ZNF331: variants seen among roughly 807,000 people sequenced by gnomAD.
ZNF331 encodes C2H2-like zinc finger protein rearranged in thyroid adenomas.
In ZNF331, 2 loss-of-function variants were observed where a neutral mutation model predicts 7.0. The observed-to-expected ratio is 0.29, with a 90% confidence interval of 0.12 to 0.90. ZNF331 has a LOEUF of 0.90. Among genes scored for constraint, ZNF331 ranks in the 40% least tolerant of loss-of-function variants. ZNF331 has a pLI of 0.58. For missense variants in ZNF331, 432 were observed against 587.7 expected (o/e 0.74, Z 2.74); for synonymous variants, 196 against 205.4 (o/e 0.95, Z 0.39).
chr19:53,513,605 T>C, the ZNF331 span, among the ~76,000 whole-genome samples: 2 of 152,304 alleles, frequency 1.3e-5, no homozygotes, highest in Middle Eastern at 3.4e-3. Context: ...TGATTTTGAT[T>C]GGCATTTTCC....
At chr19:53,574,779 C>G (rs2090625091) in intron 5 of ZNF331, among the ~76,000 whole-genome samples, 1 of 152,132 alleles carries the variant, frequency 6.6e-6, no homozygotes, top group South Asian at 2.1e-4. Context: ...ATGGTGCGCG[C>G]CTATCACTGC....
At chr19:53,544,218 C>G (rs894437036) in intron 2 of ZNF331, among the ~76,000 whole-genome samples, 2 of 143,228 alleles carry the variant, frequency 1.4e-5, no homozygotes, top group African/African-American at 5.2e-5. Context: ...AGCAAGACTC[C>G]GTCTCAAAAA....
rs2089817070 is a variant in ZNF331, at chr19:53,560,479, A to AT, written c.-74+4573dup. Among the ~76,000 whole-genome samples, 1 of 152,162 alleles carries AT rather than the reference A, an allele frequency of 6.6e-6. No homozygotes were observed. The highest frequency in any genetic ancestry group is 6.5e-5 in the Admixed American group (1 of 15,276). Reference sequence around the variant, plus strand: ...TTCCATAACAGGAAGGTTATGCCTGATTCAGTGACACTACTTTTTCAATAT... The same window carrying AT: ...TTCCATAACAGGAAGGTTATGCCTGATTTCAGTGACACTACTTTTTCAATAT... On this transcript the variant is annotated intron_variant, in intron 3 of 5. Transcript: ENST00000449416. This position sits in a 1 kb window ranked among gnomAD's most constrained non-coding sequence, Gnocchi z 4.3.
the ZNF331 span, among the ~76,000 whole-genome samples, chr19:53,511,143 T>C: frequency 3.3e-5 from 5 of 152,120 alleles, no homozygotes; most frequent in African/African-American, 1.2e-4. Flanking sequence ...AGAGAAAACA[T>C]TATCTAACCC....
chr19:53,515,412 T>G (rs935879098), upstream of ZNF331, among the ~76,000 whole-genome samples: 1 of 145,350 alleles, frequency 6.9e-6, no homozygotes, highest in Non-Finnish European at 1.5e-5. Context: ...CAAACTTCAG[T>G]AAGACAGCAG....
At chr19:53,514,487 C>T in the ZNF331 span, among the ~76,000 whole-genome samples, 1 of 152,186 alleles carries the variant, frequency 6.6e-6, no homozygotes, top group East Asian at 1.9e-4. Context: ...AGGCGTGAGC[C>T]ACCGCGCCTA....
Position 53,529,217 on chromosome 19 carries a change from C to T in ZNF331, c.-205+6533C>T, listed in dbSNP as rs372805530. On this transcript the variant is annotated intron_variant, in intron 2 of 6. Transcript: ENST00000253144. The stretch of plus-strand genomic sequence containing the variant: ...GAGATCGAGACCATCCTGGCTAACA[C>T]GGTGAAACCCCGTCTCTACTAAAAA... 1.1e-4 allele frequency among the ~76,000 whole-genome samples: 16 copies of T among 151,930 alleles called. No homozygotes were observed. In the East Asian group the frequency reaches 1.8e-3, roughly 17 times the overall value.
intron 2 of ZNF331, among the ~76,000 whole-genome samples, chr19:53,541,185 G>A (rs996123754): frequency 4.0e-5 from 6 of 149,194 alleles, no homozygotes; most frequent in African/African-American, 5.0e-5. Context: ...TCAGCTCGCC[G>A]TAACCTCTGC....
chr19:53,521,994 G>C (rs1203184345), exon 1 of ZNF331: 1 of 152,220 alleles, frequency 6.6e-6, no homozygotes, highest in Admixed American at 6.5e-5. Flanking sequence ...CGAGATGGCA[G>C]TTTTGGAGCC....
rs2089774903 is a variant in ZNF331, at chr19:53,560,088, TAC to T, written c.-74+4186_-74+4187del. Among the ~76,000 whole-genome samples the T allele has an allele frequency of 6.7e-6, 1 of 149,366 alleles. No homozygotes were observed. Among genetic ancestry groups the T allele is most frequent in the African/African-American group, 2.5e-5 (1 of 40,448 alleles). On this transcript the variant is annotated intron_variant, in intron 3 of 5. Coordinates refer to ENST00000449416, the MANE Select transcript of ZNF331 (RefSeq NM_001079906.2). This position sits in a 1 kb window ranked among gnomAD's most constrained non-coding sequence, Gnocchi z 4.3. ...TATACATACCATACACACACATATA[TAC>T]ACACATATACCCACACCATACACAC...
intron 2 of ZNF331, among the ~76,000 whole-genome samples, chr19:53,524,106 T>C (rs60076475): frequency 0.049 from 7,465 of 152,326 alleles, 216 homozygotes; most frequent in East Asian, 0.14. Flanking sequence ...TCCTTTTTTA[T>C]GGCTGCATAG....
At chr19:53,540,414 G>A (rs2088066440) in intron 2 of ZNF331, among the ~76,000 whole-genome samples, 1 of 152,062 alleles carries the variant, frequency 6.6e-6, no homozygotes. Flanking sequence ...GTGTGTGCTT[G>A]GAGGCTCTAG....
intron 5 of ZNF331, among the ~76,000 whole-genome samples, chr19:53,574,256 G>A (rs1600503762): frequency 6.6e-6 from 1 of 152,192 alleles, no homozygotes; most frequent in Middle Eastern, 3.4e-3. Context: ...ATAGAATTAA[G>A]GGAAAGAGCC....
At chr19:53,522,287 CTG>C (rs1185119910) in intron 1 of ZNF331, among the ~76,000 whole-genome samples, 1 of 146,838 alleles carries the variant, frequency 6.8e-6, no homozygotes, top group African/African-American at 2.5e-5. Context: ...GAGTCTTGCT[CTG>C]TCGCCCAGGG....
intron 2 of ZNF331, chr19:53,554,709 A>G (rs570410388): frequency 7.9e-5 from 12 of 152,372 alleles, no homozygotes; most frequent in South Asian, 2.1e-4. Flanking sequence ...ATTGGCGCCC[A>G]TGGCTCCAAG....
chr19:53,577,190 T>C lies in ZNF331; in HGVS notation c.630T>C (p.Thr210=). 1 of 1,612,278 alleles carries C rather than the reference T, an allele frequency of 6.2e-7. No homozygotes were observed. Among genetic ancestry groups the C allele is most frequent in the Non-Finnish European group, 8.5e-7 (1 of 1,179,526 alleles). The change falls in exon 6 of 6, where the codon ACT becomes ACC. Residue 210 remains threonine (T), a synonymous_variant. Coordinates refer to ENST00000449416, the MANE Select transcript of ZNF331 (RefSeq NM_001079906.2). ...TCGTTATTCATAAGAGGATTCATAC[T>C]GGTGAAAAACCCTATGAATGTAAAG... is the stretch of plus-strand genomic sequence containing the variant. ...SSLVIHKRIH[T]GEKPYECKDC...
At chr19:53,567,644 C>G (rs577286534) in intron 3 of ZNF331, among the ~76,000 whole-genome samples, 2 of 151,630 alleles carry the variant, frequency 1.3e-5, no homozygotes, top group African/African-American at 2.4e-5. Flanking sequence ...GCCAGGAGTT[C>G]AAGACCAGCC....
At chr19:53,562,212 T>G (rs1369621887) in intron 3 of ZNF331, among the ~76,000 whole-genome samples, 2 of 152,108 alleles carry the variant, frequency 1.3e-5, no homozygotes, top group Non-Finnish European at 2.9e-5. Flanking sequence ...AACATGACAG[T>G]AATCACTGAT....
At position 53,579,104 on chromosome 19, in the gene ZNF331, A is replaced by G. The variant is rs2090838601; in HGVS notation, c.*1152A>G. ...GTGAGCCACTGCACCTAGCCCACTGATCACTCTTCTGCTTACAGAATATCA... is the reference window on the plus strand; with the variant it reads ...GTGAGCCACTGCACCTAGCCCACTGGTCACTCTTCTGCTTACAGAATATCA... On this transcript the variant is annotated 3_prime_UTR_variant, in exon 6 of 6. Coordinates refer to ENST00000449416, the MANE Select transcript of ZNF331 (RefSeq NM_001079906.2). 1 of 197,470 alleles carries G rather than the reference A, an allele frequency of 5.1e-6. No individual in the cohort carries two copies. Among genetic ancestry groups the G allele is most frequent in the Admixed American group, 6.1e-5 (1 of 16,462 alleles). The allele number at this position is 197,470 out of a possible 1,614,324, so 12.2% of individuals were successfully genotyped here.
Sources: allele counts gnomAD v4.1 joint callset (sites outside exome capture counted in the v4.1 genomes callset), GRCh38; gene constraint gnomAD v4.1.1; non-coding constraint Gnocchi (gnomAD v3.1); transcripts MANE v1.5; gene names NCBI Gene and HGNC (gene_info 2026-07-23, HGNC 2026-07-21).